ASTN2: variants seen among roughly 807,000 people sequenced by gnomAD.
The protein encoded by ASTN2 is astrotactin 2, also known as astrotactin-2.
In ASTN2, 54 loss-of-function variants were observed where a neutral mutation model predicts 139.8. That is an observed-to-expected ratio of 0.39 (90% confidence interval 0.31 to 0.48). ASTN2 has a LOEUF of 0.48. Among genes scored for constraint, ASTN2 ranks in the 20% least tolerant of loss-of-function variants. The pLI is 0.95. For missense variants in ASTN2, 1,565 were observed against 1,725.1 expected (o/e 0.91, Z 1.64); for synonymous variants, 756 against 719.5 (o/e 1.05, Z -0.81).
Position 117,411,916 on chromosome 9 carries a change from G to A in ASTN2, c.442+2581C>T, listed in dbSNP as rs537329464. ...TGTTTAAAAGTCTGGGGATGGGATG[G>A]GGCTGCCTTGGGACACTAGAAAGAG... On this transcript the variant is annotated intron_variant, in intron 1 of 22. Coordinates refer to ENST00000313400, the MANE Select transcript of ASTN2 (RefSeq NM_001365068.1). 5.5e-4 allele frequency among the ~76,000 whole-genome samples: 83 copies of A among 152,206 alleles called. No individual in the cohort carries two copies. The Middle Eastern group carries it at 0.01, about 19-fold the overall frequency.
intron 16 of ASTN2, among the ~76,000 whole-genome samples, chr9:116,718,029 G>A (rs1045462167): frequency 6.6e-6 from 1 of 152,264 alleles, no homozygotes; most frequent in African/African-American, 2.4e-5. Flanking sequence ...AGAGCTTATA[G>A]TGCAGCAAGA....
chr9:116,718,312 C>T (rs537184462), intron 16 of ASTN2, among the ~76,000 whole-genome samples: 10 of 152,234 alleles, frequency 6.6e-5, no homozygotes, highest in South Asian at 2.1e-4. Context: ...GCAGAAAGCA[C>T]GGAGACACAC....
At chr9:117,155,737 G>C (rs186042665) in intron 3 of ASTN2, among the ~76,000 whole-genome samples, 2 of 152,162 alleles carry the variant, frequency 1.3e-5, no homozygotes, top group Admixed American at 6.5e-5. Context: ...ACCTGAATTA[G>C]AGGTAGGTTT....
intron 16 of ASTN2, among the ~76,000 whole-genome samples, chr9:116,695,642 A>G (rs1206165213): frequency 1.3e-5 from 2 of 152,192 alleles, no homozygotes; most frequent in Non-Finnish European, 2.9e-5. Context: ...TGCAGATCAC[A>G]AGACTGCACA....
chr9:117,331,266 G>C (rs1005622895), intron 1 of ASTN2, among the ~76,000 whole-genome samples: 2 of 152,162 alleles, frequency 1.3e-5, no homozygotes, highest in African/African-American at 4.8e-5. Flanking sequence ...TTCAGGCTTA[G>C]AGCCCGAGGT....
chr9:117,339,054 TG>T (rs1227407163), intron 1 of ASTN2, among the ~76,000 whole-genome samples: 2 of 152,118 alleles, frequency 1.3e-5, no homozygotes, highest in African/African-American at 4.8e-5. Context: ...CTTGAGCTGC[TG>T]TTTGATCCCA....
At chr9:117,400,791 C>T (rs1377494826) in intron 1 of ASTN2, among the ~76,000 whole-genome samples, 5 of 152,248 alleles carry the variant, frequency 3.3e-5, no homozygotes, top group South Asian at 2.1e-4. Context: ...AATCTCATCA[C>T]ATTAGAGATG....
At chr9:116,493,790 G>A (rs1849591328) in intron 19 of ASTN2, among the ~76,000 whole-genome samples, 1 of 152,204 alleles carries the variant, frequency 6.6e-6, no homozygotes, top group Admixed American at 6.5e-5. Flanking sequence ...GGAGCAGTGG[G>A]AGTGGGGGGA....
At chr9:116,806,985 A>T (rs1831046352) in intron 12 of ASTN2, among the ~76,000 whole-genome samples, 1 of 152,224 alleles carries the variant, frequency 6.6e-6, no homozygotes, top group Non-Finnish European at 1.5e-5. Flanking sequence ...GAAATAAAGC[A>T]TATAGTACTG....
At chr9:116,667,014 G>C (rs1024393404) in intron 16 of ASTN2, among the ~76,000 whole-genome samples, 1 of 144,390 alleles carries the variant, frequency 6.9e-6, no homozygotes, top group Middle Eastern at 3.4e-3. Flanking sequence ...GGGGTGTAGC[G>C]GTGTGATCTT....
Position 116,710,696 on chromosome 9 carries a change from G to A in ASTN2, c.2806+15075C>T, listed in dbSNP as rs1828128103. 3.3e-5 allele frequency among the ~76,000 whole-genome samples: 4 copies of A among 119,990 alleles called. No individual in the cohort carries two copies. The South Asian group carries it at 1.1e-3, about 32-fold the overall frequency. The allele number at this position is 119,990 out of a possible 152,430, so 78.7% of individuals were successfully genotyped here. ...TGCGGTGAGCTGAGATCACACCATT[G>A]CACTCCAGCCTGGGCAACAAGAGTG... On this transcript the variant is annotated intron_variant, in intron 16 of 22. Coordinates refer to ENST00000313400, the MANE Select transcript of ASTN2 (RefSeq NM_001365068.1).
intron 11 of ASTN2, among the ~76,000 whole-genome samples, chr9:116,836,374 G>A (rs1319260687): frequency 3.1e-5 from 3 of 96,074 alleles, no homozygotes; most frequent in Non-Finnish European, 8.1e-5. Flanking sequence ...CCAGGGGATG[G>A]GGGTGCTCAC....
At chr9:117,354,225 T>A (rs917246086) in intron 1 of ASTN2, among the ~76,000 whole-genome samples, 1 of 152,020 alleles carries the variant, frequency 6.6e-6, no homozygotes, top group African/African-American at 2.4e-5. Context: ...CCCCCAAAAA[T>A]GAAACTGTTT....
At chr9:116,843,196 A>C (rs1371189481) in intron 11 of ASTN2, among the ~76,000 whole-genome samples, 4 of 152,228 alleles carry the variant, frequency 2.6e-5, no homozygotes. Context: ...ACCTGTGCCC[A>C]TCAACTGGTG....
At chr9:116,647,134 C>G (rs1411189816) in intron 17 of ASTN2, among the ~76,000 whole-genome samples, 1 of 152,192 alleles carries the variant, frequency 6.6e-6, no homozygotes, top group Non-Finnish European at 1.5e-5. Flanking sequence ...CCTTCTCTGA[C>G]TGCGTAAGGC....
chr9:116,433,219 T>G (rs1847550975), intron 22 of ASTN2, among the ~76,000 whole-genome samples: 1 of 152,212 alleles, frequency 6.6e-6, no homozygotes. Flanking sequence ...AGTGATACAT[T>G]CACATATTTG....
chr9:116,983,555 G>T (rs1407668540), intron 7 of ASTN2, among the ~76,000 whole-genome samples: 1 of 152,190 alleles, frequency 6.6e-6, no homozygotes, highest in Non-Finnish European at 1.5e-5. Context: ...AAGGACAGCT[G>T]CCTTTGACAA....
rs12341190 is a variant in ASTN2 at position 116,533,572 on chromosome 9, C to T, written c.3356-46072G>A. 5.8e-3 allele frequency among the ~76,000 whole-genome samples: 889 copies of T among 152,102 alleles called. 7 individuals are homozygous for T. Among genetic ancestry groups the T allele is most frequent in the African/African-American group, 0.02 (844 of 41,510 alleles). On this transcript the variant is annotated intron_variant, in intron 19 of 22. Transcript: ENST00000313400. ...TTTACTGAGATTTTTTAGCATGAAG[C>T]GCTGTTGAATTTTGTCAAATGGCTT...
chr9:117,055,735 A>C (rs576016019), intron 5 of ASTN2, among the ~76,000 whole-genome samples: 17 of 152,364 alleles, frequency 1.1e-4, no homozygotes, highest in Middle Eastern at 3.4e-3. Flanking sequence ...AAGAAGGATT[A>C]GATTTGGAGA....
Sources: gnomAD v4.1 joint callset for allele counts (sites outside exome capture counted in the v4.1 genomes callset) on GRCh38, gnomAD v4.1.1 for gene constraint, MANE v1.5 for transcripts, NCBI Gene and HGNC (gene_info 2026-07-23, HGNC 2026-07-21) for gene names.